Variants in ZNF267 observed in about 807,000 individuals in gnomAD.
ZNF267 encodes zinc finger protein 267.
Under a neutral mutation model 71.6 loss-of-function variants are expected in ZNF267, and 61 were observed. The observed-to-expected ratio is 0.85, with a 90% confidence interval of 0.69 to 1.05. The LOEUF (loss-of-function observed/expected upper bound fraction) is 1.05. Among genes scored for constraint, ZNF267 ranks in the 50% least tolerant of loss-of-function variants. The probability of loss-of-function intolerance (pLI) is 0.00; values close to 1 mark genes in which losing one functional copy is unlikely to be tolerated. For missense variants in ZNF267, 852 were observed against 870.0 expected (o/e 0.98, Z 0.26); for synonymous variants, 288 against 293.2 (o/e 0.98, Z 0.18).
At chr16:31,905,151 A>T (rs1055275961) in intron 3 of ZNF267, among the ~76,000 whole-genome samples, 6 of 152,326 alleles carry the variant, frequency 3.9e-5, no homozygotes, top group African/African-American at 1.4e-4. Context: ...CTGCCAAGAG[A>T]TCAGCTGTTA....
chr16:31,892,344 G>A (rs944663936), intron 3 of ZNF267, among the ~76,000 whole-genome samples: 1 of 152,044 alleles, frequency 6.6e-6, no homozygotes, highest in African/African-American at 2.4e-5. Context: ...AGTTACCTCC[G>A]ACCAGGTCCC....
Position 31,881,918 on chromosome 16 carries a change from G to C in ZNF267, c.4-2580G>C, listed in dbSNP as rs181477163. On this transcript the variant is annotated intron_variant, in intron 1 of 3. Transcript: ENST00000300870. ...GACCTCAAGTGATAACACCCATCTT[G>C]GCTTCCCAAAGTGCTGGGATTACAG... Among the ~76,000 whole-genome samples, 476 of 152,196 alleles carry C rather than the reference G, an allele frequency of 3.1e-3. 4 individuals carry two copies. The highest frequency in any genetic ancestry group is 0.011 in the African/African-American group (462 of 41,532).
chr16:31,914,600 G>A lies in ZNF267; in HGVS notation c.351G>A (p.Trp117Ter), dbSNP rs2084158994. The A allele has an allele frequency of 6.2e-7, 1 of 1,614,010 alleles. No individual in the cohort carries two copies. The highest frequency in any genetic ancestry group is 1.7e-5 in the Admixed American group (1 of 60,000). Residue 117 changes from tryptophan to a stop codon, truncating the protein, a stop_gained, in exon 4 of 4, where the codon TGG (tryptophan) becomes TGA (stop). Transcript: ENST00000300870. LOFTEE classifies it high-confidence loss of function. ...AGAATTTACATTTAAGAAAAAGGTGGAAAAGGGAGGAGTGTGAAGGGCACA... is the reference window on the plus strand; with the variant it reads ...AGAATTTACATTTAAGAAAAAGGTGAAAAAGGGAGGAGTGTGAAGGGCACA... ...DLENLHLRKR[W>*]KREECEGHNG...
intron 3 of ZNF267, among the ~76,000 whole-genome samples, chr16:31,904,416 A>T (rs2084069933): frequency 6.6e-6 from 1 of 152,320 alleles, no homozygotes; most frequent in Non-Finnish European, 1.5e-5. Context: ...ATTGTGTGGG[A>T]GTCTAAGTCT....
At chr16:31,875,220 C>G (rs1422711619) in intron 1 of ZNF267, 20 of 1,289,168 alleles carry the variant, frequency 1.6e-5, no homozygotes, top group Non-Finnish European at 2.0e-5. Flanking sequence ...TGGGATGACT[C>G]AAGATGCCCA....
chr16:31,876,739 C>T (rs1041366546), intron 1 of ZNF267, among the ~76,000 whole-genome samples: 2 of 152,212 alleles, frequency 1.3e-5, no homozygotes, highest in African/African-American at 4.8e-5. Flanking sequence ...TCTTCCAACA[C>T]TGGGCATTCT....
At position 31,917,022 on chromosome 16, in the gene ZNF267, C is replaced by T. The variant is rs1262290329; in HGVS notation, c.*541C>T. 6.5e-6 allele frequency: 1 copy of T among 152,820 alleles called. No homozygotes were observed. The highest frequency in any genetic ancestry group is 1.5e-5 in the Non-Finnish European group (1 of 68,520). 9.5% of individuals were successfully genotyped at this position (152,820 alleles called of 1,614,324 possible). On this transcript the variant is annotated 3_prime_UTR_variant, in exon 4 of 4. Transcript: ENST00000300870. ...CATTGATGTTTTGACAGGTATATTT[C>T]ATAGATACTTCATTTGTATTTACAG...
At chr16:31,876,127 C>T (rs2083850732) in intron 1 of ZNF267, among the ~76,000 whole-genome samples, 1 of 152,186 alleles carries the variant, frequency 6.6e-6, no homozygotes, top group Admixed American at 6.5e-5. Flanking sequence ...ATAGTTTCAT[C>T]AAAACATCAG....
intron 3 of ZNF267, among the ~76,000 whole-genome samples, chr16:31,897,166 C>T (rs1488250728): frequency 1.4e-5 from 2 of 147,140 alleles, no homozygotes; most frequent in African/African-American, 4.9e-5. Flanking sequence ...ACAAAAAAAA[C>T]CCAGAAACAA....
intron 3 of ZNF267, among the ~76,000 whole-genome samples, chr16:31,892,606 C>G (rs1031532032): frequency 6.6e-6 from 1 of 152,176 alleles, no homozygotes; most frequent in Non-Finnish European, 1.5e-5. Context: ...TGGTTACTTC[C>G]TAGATACATT....
chr16:31,898,705 CCTCT>C (rs1007451757), intron 3 of ZNF267, among the ~76,000 whole-genome samples: 5 of 151,976 alleles, frequency 3.3e-5, no homozygotes, highest in East Asian at 3.9e-4. Flanking sequence ...AAAAATCCTG[CCTCT>C]CTATGTCCCC....
At chr16:31,910,111 C>T (rs755298275) in intron 3 of ZNF267, among the ~76,000 whole-genome samples, 1 of 152,194 alleles carries the variant, frequency 6.6e-6, no homozygotes, top group Non-Finnish European at 1.5e-5. Flanking sequence ...ATAAATCCCA[C>T]TTTGTCATAA....
rs533972440 is a variant in ZNF267, at chr16:31,916,547, T to C, written c.*66T>C. 3.5e-6 allele frequency: 5 copies of C among 1,449,100 alleles called. No individual in the cohort carries two copies. The African/African-American group carries it at 7.1e-5, about 21-fold the overall frequency. 89.8% of individuals were successfully genotyped at this position (1,449,100 alleles called of 1,614,324 possible). On this transcript the variant is annotated 3_prime_UTR_variant, in exon 4 of 4. Coordinates refer to ENST00000300870, the MANE Select transcript of ZNF267 (RefSeq NM_003414.6). Reference sequence around the variant, plus strand: ...GTCTTATTGTGCATCAGATAATTTATATGGGAGTGAAACCCTACAAATGTT... The same window carrying C: ...GTCTTATTGTGCATCAGATAATTTACATGGGAGTGAAACCCTACAAATGTT...
At position 31,916,693 on chromosome 16, in the gene ZNF267, TACTC is replaced by T. The variant is rs753927561; in HGVS notation, c.*214_*217del. On this transcript the variant is annotated 3_prime_UTR_variant, in exon 4 of 4. Transcript: ENST00000300870. ...ATTATTTTAAACTGTGCTCAACCCT[TACTC>T]AAGATAATCCATACTAGAGAAACAC... The T allele has an allele frequency of 2.1e-5, 12 of 567,584 alleles. No homozygotes were observed. The highest frequency in any genetic ancestry group is 1.9e-4 in the South Asian group (8 of 42,526). 35.2% of individuals were successfully genotyped at this position (567,584 alleles called of 1,614,324 possible).
chr16:31,884,482 T>G lies in ZNF267; in HGVS notation c.4-16T>G. The G allele has an allele frequency of 6.2e-7, 1 of 1,614,030 alleles. No individual in the cohort carries two copies. The highest frequency in any genetic ancestry group is 8.5e-7 in the Non-Finnish European group (1 of 1,179,968). Reference sequence around the variant, plus strand: ...CCATGGCCACATGGTCAGTGTATTCTTTATTTTTATTTCAGGGACTGTTGA... The same window carrying G: ...CCATGGCCACATGGTCAGTGTATTCGTTATTTTTATTTCAGGGACTGTTGA... On this transcript the variant is annotated splice_polypyrimidine_tract_variant and intron_variant, in intron 1 of 3. Transcript: ENST00000300870.
At chr16:31,898,635 A>G (rs2084017007) in intron 3 of ZNF267, among the ~76,000 whole-genome samples, 1 of 152,066 alleles carries the variant, frequency 6.6e-6, no homozygotes, top group Non-Finnish European at 1.5e-5. Context: ...CATAGATATT[A>G]CACAAAACAT....
chr16:31,900,526 G>A (rs1397370904), intron 3 of ZNF267, among the ~76,000 whole-genome samples: 1 of 152,008 alleles, frequency 6.6e-6, no homozygotes, highest in Non-Finnish European at 1.5e-5. Context: ...CTCACTGCAG[G>A]CTCCGCCTCC....
Position 31,884,543 on chromosome 16 carries a change from G to C in ZNF267, c.49G>C (p.Glu17Gln). ...RDVAVEFSLEEWEHLEPAQKN... is the reference protein window; with the variant it reads ...RDVAVEFSLEQWEHLEPAQKN... ...TGTGGCCGTAGAATTCTCTTTGGAGGAGTGGGAACACCTGGAACCAGCTCA... is the reference window on the plus strand; with the variant it reads ...TGTGGCCGTAGAATTCTCTTTGGAGCAGTGGGAACACCTGGAACCAGCTCA... The change falls in exon 2 of 4, where the codon GAG (glutamate) becomes CAG (glutamine). Residue 17 changes from glutamate (E) to glutamine (Q), a missense_variant. Physicochemically the swap from Glu to Gln is conservative, Grantham distance 29 (BLOSUM62 2). Transcript: ENST00000300870. The C allele has an allele frequency of 3.1e-6, 5 of 1,614,120 alleles. No homozygotes were observed. The highest frequency in any genetic ancestry group is 4.2e-6 in the Non-Finnish European group (5 of 1,180,006).
At chr16:31,878,963 A>AT (rs533686256) in intron 1 of ZNF267, among the ~76,000 whole-genome samples, 48 of 152,156 alleles carry the variant, frequency 3.2e-4, no homozygotes, top group African/African-American at 1.1e-3. Flanking sequence ...TTCTTAAAGC[A>AT]TTTACTTTGG....
Sources: allele counts gnomAD v4.1 joint callset (sites outside exome capture counted in the v4.1 genomes callset), GRCh38; gene constraint gnomAD v4.1.1; transcripts MANE v1.5; gene names NCBI Gene and HGNC (gene_info 2026-07-23, HGNC 2026-07-21).